Variants in CCDC172 observed in about 807,000 individuals in gnomAD.
CCDC172 encodes coiled-coil domain containing 172.
In CCDC172, 30 loss-of-function variants were observed where a neutral mutation model predicts 38.0. That is an observed-to-expected ratio of 0.79 (90% CI 0.59 to 1.07). The LOEUF is 1.07. CCDC172 is among the 50% of genes least tolerant of loss of function. The pLI is 0.00. For synonymous variants in CCDC172, 78 were observed against 88.3 expected (o/e 0.88, Z 0.66); for missense variants, 297 against 290.1 (o/e 1.02, Z -0.17).
rs760535953 is a variant in CCDC172 at position 116,340,825 on chromosome 10, A to G, written c.257A>G (p.His86Arg). 409 of 1,579,718 alleles carry G rather than the reference A, an allele frequency of 2.6e-4. No individual in the cohort carries two copies. The highest frequency in any genetic ancestry group is 3.3e-4 in the Non-Finnish European group (376 of 1,150,926). The change falls in exon 4 of 9, where the codon CAT (histidine) becomes CGT (arginine). Residue 86 changes from histidine to arginine, a missense_variant. Physicochemically the swap from His to Arg is conservative, Grantham distance 29 (BLOSUM62 0). Transcript: ENST00000333254. ...AAACAGTACAGTGAAATTACAAACC[A>G]TAGGAATATGCTTCTTCAAACCTTT... is the stretch of plus-strand genomic sequence containing the variant. ...LEKQYSEITN[H>R]RNMLLQTFEA...
chr10:116,325,228 G>A (rs547847218), intron 2 of CCDC172, 75 bp from the exon 3 acceptor site: 11 of 1,488,754 alleles, frequency 7.4e-6, no homozygotes, highest in Middle Eastern at 1.7e-4. Context: ...ACAACTGAAA[G>A]GTGGCTTATC....
At chr10:116,362,593 C>T (rs1302925708) in intron 7 of CCDC172, among the ~76,000 whole-genome samples, 2 of 152,152 alleles carry the variant, frequency 1.3e-5, no homozygotes, top group African/African-American at 4.8e-5. Flanking sequence ...ATTATCTTTG[C>T]TCTTTGTTTT....
chr10:116,348,466 A>C (rs1042208003), intron 5 of CCDC172, among the ~76,000 whole-genome samples: 6 of 151,844 alleles, frequency 4.0e-5, no homozygotes, highest in Non-Finnish European at 4.4e-5. Flanking sequence ...TTTTAACTTC[A>C]TAGCTATTTT....
chr10:116,356,279 G>A (rs1377308518), intron 5 of CCDC172, among the ~76,000 whole-genome samples: 2 of 150,906 alleles, frequency 1.3e-5, no homozygotes, highest in African/African-American at 4.9e-5. Flanking sequence ...GCAGTGAGCC[G>A]AGATGGCGCC....
chr10:116,367,041 C>G (rs1035985799), intron 7 of CCDC172, among the ~76,000 whole-genome samples: 3 of 151,994 alleles, frequency 2.0e-5, no homozygotes, highest in Admixed American at 6.6e-5. Flanking sequence ...TAAAGTTTTG[C>G]TCTTTCAGTA....
intron 6 of CCDC172, 66 bp from the exon 7 acceptor site, chr10:116,357,770 G>A: frequency 1.2e-6 from 1 of 863,956 alleles, no homozygotes; most frequent in South Asian, 1.6e-5. Flanking sequence ...CTGTTCTTAT[G>A]AGTGAATAAA....
At chr10:116,324,749 G>C in intron 1 of CCDC172, 136 bp downstream of exon 1, 1 of 457,832 alleles carries the variant, frequency 2.2e-6, no homozygotes, top group Admixed American at 3.8e-5. Flanking sequence ...AGAAAAGCCC[G>C]GTTTGTAAAC....
chr10:116,335,660 C>T (rs1844721171), intron 3 of CCDC172, among the ~76,000 whole-genome samples: 2 of 151,774 alleles, frequency 1.3e-5, no homozygotes, highest in Non-Finnish European at 2.9e-5. Flanking sequence ...CTTGTATGTT[C>T]CTCAGTAGAA....
intron 3 of CCDC172, among the ~76,000 whole-genome samples, chr10:116,328,285 G>T (rs913741900): frequency 4.6e-5 from 7 of 152,022 alleles, no homozygotes; most frequent in African/African-American, 1.7e-4. Context: ...ACTATGCCTG[G>T]TTAGGTTTGG....
intron 3 of CCDC172, among the ~76,000 whole-genome samples, chr10:116,337,452 T>A (rs1040972717): frequency 2.0e-5 from 3 of 151,956 alleles, no homozygotes. Flanking sequence ...GCCTGGCCTA[T>A]CACTTTAAGG....
rs555558226 is a variant in CCDC172 at position 116,377,923 on chromosome 10, G to C, written c.654-500G>C. On this transcript the variant is annotated intron_variant, in intron 7 of 8. Coordinates refer to ENST00000333254, the MANE Select transcript of CCDC172 (RefSeq NM_198515.3). The stretch of plus-strand genomic sequence containing the variant: ...CAGCTGGGCGTGGTGGCTAACACCT[G>C]TAATCCCAGCACTTTGGGAGGTTCA... Among the ~76,000 whole-genome samples, 213 of 152,308 alleles carry C rather than the reference G, an allele frequency of 1.4e-3. 1 individual carries two copies. The highest frequency in any genetic ancestry group is 2.2e-3 in the Non-Finnish European group (148 of 68,026).
chr10:116,352,477 A>T (rs1200347911), intron 5 of CCDC172, among the ~76,000 whole-genome samples: 1 of 152,210 alleles, frequency 6.6e-6, no homozygotes, highest in Non-Finnish European at 1.5e-5. Context: ...TATTCTAAGT[A>T]TACTCAAGGA....
intron 5 of CCDC172, among the ~76,000 whole-genome samples, chr10:116,343,699 G>T (rs541553819): frequency 6.6e-6 from 1 of 151,950 alleles, no homozygotes; most frequent in African/African-American, 2.4e-5. Flanking sequence ...TGGGTCTCAC[G>T]TGAATCCTAC....
chr10:116,354,248 C>T (rs1048826603), intron 5 of CCDC172, among the ~76,000 whole-genome samples: 17 of 152,086 alleles, frequency 1.1e-4, no homozygotes, highest in African/African-American at 4.1e-4. Context: ...GTACATAATA[C>T]TTGCTAAAGA....
At chr10:116,357,247 C>A (rs565289619) in intron 5 of CCDC172, 133 bp from the exon 6 acceptor site, 18 of 571,694 alleles carry the variant, frequency 3.1e-5, no homozygotes, top group African/African-American at 2.8e-4. Flanking sequence ...ACATGGATAT[C>A]TTTTCACTTA....
intron 7 of CCDC172, among the ~76,000 whole-genome samples, chr10:116,368,304 T>A (rs953697958): frequency 7.2e-5 from 11 of 152,140 alleles, no homozygotes; most frequent in Non-Finnish European, 1.5e-4. Context: ...TGATTCCTCC[T>A]TGAATCAGTT....
At chr10:116,337,266 G>A (rs1844743396) in intron 3 of CCDC172, among the ~76,000 whole-genome samples, 1 of 151,368 alleles carries the variant, frequency 6.6e-6, no homozygotes, top group African/African-American at 2.4e-5. Context: ...AAATTATTCT[G>A]CCTTAGCCTC....
chr10:116,337,858 G>A (rs182174917), intron 3 of CCDC172, among the ~76,000 whole-genome samples: 7 of 152,012 alleles, frequency 4.6e-5, no homozygotes, highest in East Asian at 1.9e-4. Flanking sequence ...GTTATATTTC[G>A]AATATTTACT....
intron 4 of CCDC172, among the ~76,000 whole-genome samples, chr10:116,341,359 G>A (rs1381712011): frequency 2.0e-5 from 3 of 151,964 alleles, no homozygotes; most frequent in Non-Finnish European, 4.4e-5. Context: ...AACACACTTG[G>A]TGGTTTGAAA....
Sources: gnomAD v4.1 joint callset for allele counts (sites outside exome capture counted in the v4.1 genomes callset) on GRCh38, gnomAD v4.1.1 for gene constraint, MANE v1.5 for transcripts, NCBI Gene and HGNC (gene_info 2026-07-23, HGNC 2026-07-21) for gene names.